Variants in CACNA1C observed in about 807,000 individuals in gnomAD.
CACNA1C encodes the protein calcium voltage-gated channel subunit alpha1 C.
A neutral mutation model predicts 229.0 loss-of-function variants in CACNA1C; 30 were observed. That is an observed-to-expected ratio of 0.13 (90% CI 0.10 to 0.18). The LOEUF is 0.18. Among genes scored for constraint, CACNA1C ranks in the 10% least tolerant of loss-of-function variants. CACNA1C has a pLI of 1.00. For synonymous variants in CACNA1C, 1,114 were observed against 1,132.5 expected (o/e 0.98, Z 0.33); for missense variants, 1,658 against 2,845.0 (o/e 0.58, Z 9.49).
Position 2,649,549 on chromosome 12 carries a change from A to G in CACNA1C, c.3945+1042A>G, listed in dbSNP as rs2094708100. 6.6e-6 allele frequency among the ~76,000 whole-genome samples: 1 copy of G among 152,166 alleles called. No homozygotes were observed. Among genetic ancestry groups the G allele is most frequent in the African/African-American group, 2.4e-5 (1 of 41,430 alleles). On this transcript the variant is annotated intron_variant, in intron 31 of 46. Coordinates refer to ENST00000399655, the MANE Select transcript of CACNA1C (RefSeq NM_000719.7). The surrounding 1 kb of genome is among the most constrained non-coding windows in gnomAD (Gnocchi z 4.4). ...GCATTGTTATTTGGTTTATTAGAGC[A>G]AATTGGTGCATCCGAATGGCAGTGA...
Position 2,632,401 on chromosome 12 carries a change from C to T in CACNA1C, c.3829-1896C>T, listed in dbSNP as rs936203377. Among the ~76,000 whole-genome samples the T allele has an allele frequency of 1.3e-5, 2 of 152,028 alleles. No homozygotes were observed. The highest frequency in any genetic ancestry group is 2.9e-5 in the Non-Finnish European group (2 of 68,012). ...TCACAGAACATCGCTGTGCAGGCCC[C>T]TACACCTCCTACACCCAAGAAATCC... is the stretch of plus-strand genomic sequence containing the variant. On this transcript the variant is annotated intron_variant, in intron 29 of 46. Transcript: ENST00000399655. The surrounding 1 kb of genome is among the most constrained non-coding windows in gnomAD (Gnocchi z 4.1).
rs540618973 is a variant in CACNA1C, at chr12:2,565,398, C to T, written c.1509-1024C>T. 8.2e-3 allele frequency among the ~76,000 whole-genome samples: 1,201 copies of T among 147,316 alleles called. 9 individuals are homozygous for T. Among genetic ancestry groups the T allele is most frequent in the Non-Finnish European group, 0.013 (870 of 67,274 alleles). ...AGGAGAATGGCGTGAACCCGGGAAG[C>T]GGAGCTTGCAGTGAGCCGAGATTGC... On this transcript the variant is annotated intron_variant, in intron 11 of 46. Coordinates refer to ENST00000399655, the MANE Select transcript of CACNA1C (RefSeq NM_000719.7).
At position 2,665,753 on chromosome 12, in the gene CACNA1C, G is replaced by T. The variant is rs1401723536; in HGVS notation, c.4526+45G>T. The T allele has an allele frequency of 2.5e-6, 4 of 1,586,030 alleles. No homozygotes were observed. The highest frequency in any genetic ancestry group is 2.3e-5 in the East Asian group (1 of 44,126). Reference sequence around the variant, plus strand: ...TCCTGATTCCCCAAGCTGAGAGAGGGTATAGCTGACCATACCTGCAGGAGG... The same window carrying T: ...TCCTGATTCCCCAAGCTGAGAGAGGTTATAGCTGACCATACCTGCAGGAGG... On this transcript the variant is annotated intron_variant, in intron 36 of 46. Transcript: ENST00000399655. This position sits in a 1 kb window ranked among gnomAD's most constrained non-coding sequence, Gnocchi z 5.9.
intron 1 of CACNA1C, among the ~76,000 whole-genome samples, chr12:2,058,365 A>G (rs946375863): frequency 2.6e-5 from 4 of 152,200 alleles, no homozygotes; most frequent in African/African-American, 9.7e-5. Flanking sequence ...TTTATTTTCC[A>G]ATATGGACTA....
chr12:2,008,626 C>G (rs1321694457), intron 1 of CACNA1C, among the ~76,000 whole-genome samples: 1 of 152,034 alleles, frequency 6.6e-6, no homozygotes. Flanking sequence ...ATAATGAAAT[C>G]CAAGTTGGGA....
chr12:2,113,567 G>A (rs1473651816), intron 1 of CACNA1C, among the ~76,000 whole-genome samples: 2 of 152,200 alleles, frequency 1.3e-5, no homozygotes, highest in Non-Finnish European at 2.9e-5. Context: ...GGCCTTGGGT[G>A]TCATGTATGT....
chr12:2,322,763 G>A (rs1031289351), intron 3 of CACNA1C, among the ~76,000 whole-genome samples: 2 of 152,246 alleles, frequency 1.3e-5, no homozygotes, highest in Admixed American at 1.3e-4. Flanking sequence ...GCCTGGGCTC[G>A]AATTTCAGCT....
rs1267845940 is a variant in CACNA1C, at chr12:2,115,233, A to G, written c.59A>G (p.Tyr20Cys). 1.3e-6 allele frequency: 2 copies of G among 1,568,190 alleles called. No individual in the cohort carries two copies. Among genetic ancestry groups the G allele is most frequent in the East Asian group, 2.3e-5 (1 of 43,224 alleles). The change falls in exon 2 of 47, where the codon TAT becomes TGT. Residue 20 changes from tyrosine to cysteine, a missense_variant. Physicochemically the swap from Tyr to Cys is radical, Grantham distance 194 (BLOSUM62 -2). Coordinates refer to ENST00000399655, the MANE Select transcript of CACNA1C (RefSeq NM_000719.7). ...TTCTCTTTTGCCACAGGTTCCAACTATGGGAGCCCACGCCCCGCCCATGCC... is the reference window on the plus strand; with the variant it reads ...TTCTCTTTTGCCACAGGTTCCAACTGTGGGAGCCCACGCCCCGCCCATGCC... The part of the protein sequence containing the change: ...IPEENHQGSN[Y>C]GSPRPAHANM...
At chr12:2,064,370 G>C (rs944736620) in intron 1 of CACNA1C, among the ~76,000 whole-genome samples, 1 of 152,222 alleles carries the variant, frequency 6.6e-6, no homozygotes, top group Non-Finnish European at 1.5e-5. Flanking sequence ...CCTGGGGACT[G>C]TTGGGAGAGG....
intron 30 of CACNA1C, among the ~76,000 whole-genome samples, chr12:2,640,289 C>A (rs897916163): frequency 6.6e-6 from 1 of 152,246 alleles, no homozygotes; most frequent in African/African-American, 2.4e-5. Flanking sequence ...CTGGCTAAAT[C>A]CCTGGGCCAG....
At chr12:2,227,076 G>A (rs886100571) in intron 3 of CACNA1C, among the ~76,000 whole-genome samples, 1 of 151,790 alleles carries the variant, frequency 6.6e-6, no homozygotes, top group African/African-American at 2.4e-5. Context: ...GCTGGGTGAT[G>A]GGGGGATTGC....
intron 3 of CACNA1C, among the ~76,000 whole-genome samples, chr12:2,439,796 C>T (rs1193420107): frequency 6.6e-6 from 1 of 152,086 alleles, no homozygotes; most frequent in Non-Finnish European, 1.5e-5. Flanking sequence ...TTGCTGCTTG[C>T]CCTCAATAAA....
chr12:2,325,403 C>T (rs1360786016), intron 3 of CACNA1C, among the ~76,000 whole-genome samples: 1 of 152,242 alleles, frequency 6.6e-6, no homozygotes, highest in East Asian at 1.9e-4. Context: ...CAGAGGACTC[C>T]TGGAACCAAT....
At chr12:2,430,262 A>C (rs1241630147) in intron 3 of CACNA1C, among the ~76,000 whole-genome samples, 1 of 152,112 alleles carries the variant, frequency 6.6e-6, no homozygotes, top group Non-Finnish European at 1.5e-5. Context: ...TGGGGGAGGG[A>C]ATCACAAACA....
At chr12:2,294,217 C>T (rs1566918679) in intron 3 of CACNA1C, among the ~76,000 whole-genome samples, 1 of 151,996 alleles carries the variant, frequency 6.6e-6, no homozygotes, top group African/African-American at 2.4e-5. Context: ...GGGAGAGTTT[C>T]GGGGAGGATG....
At chr12:2,620,276 T>G (rs1415437740) in intron 29 of CACNA1C, among the ~76,000 whole-genome samples, 4 of 152,202 alleles carry the variant, frequency 2.6e-5, no homozygotes, top group African/African-American at 9.7e-5. Context: ...TCTAAGCACC[T>G]TAATAGGAAT....
chr12:2,427,784 C>T (rs1427345309), intron 3 of CACNA1C, among the ~76,000 whole-genome samples: 1 of 152,042 alleles, frequency 6.6e-6, no homozygotes, highest in South Asian at 2.1e-4. Context: ...CCATGCCCAC[C>T]TAATTTTGTA....
rs752809686 is a variant in CACNA1C, at chr12:2,486,201, C to T, written c.855C>T (p.Ile285=). Residue 285 remains isoleucine (I), a synonymous_variant, in exon 6 of 47, where the codon ATC becomes ATT. Transcript: ENST00000399655. The surrounding 1 kb of genome is among the most constrained non-coding windows in gnomAD (Gnocchi z 4.9). ...TTGTCATCATCATCTACGCCATCAT[C>T]GGCTTGGAGCTCTTCATGGGGAAGA... ...VLFVIIIYAI[I]GLELFMGKMH... is the part of the protein sequence containing the mutation. The T allele has an allele frequency of 8.7e-6, 14 of 1,613,738 alleles. No homozygotes were observed. Among genetic ancestry groups the T allele is most frequent in the Admixed American group, 6.7e-5 (4 of 60,008 alleles).
chr12:2,143,895 T>A (rs1342041126), intron 3 of CACNA1C, among the ~76,000 whole-genome samples: 1 of 146,122 alleles, frequency 6.8e-6, no homozygotes, highest in Non-Finnish European at 1.5e-5. Flanking sequence ...TGCTATTTCC[T>A]CTCTCCACCT....
Sources: gnomAD v4.1 joint callset for allele counts (sites outside exome capture counted in the v4.1 genomes callset) on GRCh38, gnomAD v4.1.1 for gene constraint, Gnocchi (gnomAD v3.1) non-coding constraint, MANE v1.5 for transcripts, NCBI Gene and HGNC (gene_info 2026-07-23, HGNC 2026-07-21) for gene names.